The following SOX6 variants were observed in gnomAD, a reference collection of about 807,000 sequenced individuals.
The protein encoded by SOX6 is transcription factor SOX-6.
A neutral mutation model predicts 97.8 loss-of-function variants in SOX6; 11 were observed. The observed-to-expected ratio is 0.11, with a 90% CI of 0.07 to 0.19. The LOEUF (loss-of-function observed/expected upper bound fraction) is 0.19, where lower values mean the gene tolerates loss of function less well. SOX6 is among the 10% of genes least tolerant of loss of function. The probability of loss-of-function intolerance (pLI) is 1.00; values close to 1 mark genes in which losing one functional copy is unlikely to be tolerated. For missense variants in SOX6, 810 were observed against 1,039.5 expected, an observed-to-expected ratio of 0.78 and a Z score of 3.04; for synonymous variants, 360 against 371.4, an observed-to-expected ratio of 0.97 and a Z score of 0.35.
chr11:16,212,227 T>G (rs1009509019), intron 4 of SOX6, among the ~76,000 whole-genome samples: 2 of 152,276 alleles, frequency 1.3e-5, no homozygotes, highest in East Asian at 3.9e-4. Flanking sequence ...TACCAGAAGA[T>G]GATGACAAAT....
At chr11:16,063,588 T>C (rs1342016531) in intron 9 of SOX6, among the ~76,000 whole-genome samples, 1 of 129,024 alleles carries the variant, frequency 7.8e-6, no homozygotes, top group Non-Finnish European at 1.6e-5. Context: ...TTAGGATCTC[T>C]AATGGAGTGT....
chr11:16,154,562 T>C (rs1850547701), intron 6 of SOX6, among the ~76,000 whole-genome samples: 1 of 152,138 alleles, frequency 6.6e-6, no homozygotes, highest in Non-Finnish European at 1.5e-5. Context: ...CCAGATCTTT[T>C]CTAATCACCT....
intron 6 of SOX6, among the ~76,000 whole-genome samples, chr11:16,159,574 T>C (rs1564989953): frequency 2.6e-5 from 4 of 152,132 alleles, no homozygotes; most frequent in African/African-American, 7.2e-5. Context: ...TGCAGTATTC[T>C]GAGTAATATA....
intron 4 of SOX6, among the ~76,000 whole-genome samples, chr11:16,562,933 C>G (rs886769292): frequency 6.6e-6 from 1 of 152,128 alleles, no homozygotes; most frequent in Non-Finnish European, 1.5e-5. Flanking sequence ...AGCCTCCCTT[C>G]CCTTACTGAA....
At position 16,356,541 on chromosome 11, in the gene SOX6, A is replaced by G. The variant is rs956810282; in HGVS notation, c.-452T>C. Among the ~76,000 whole-genome samples the G allele has an allele frequency of 6.6e-6, 1 of 152,116 alleles. No individual in the cohort carries two copies. Among genetic ancestry groups the G allele is most frequent in the African/African-American group, 2.4e-5 (1 of 41,438 alleles). Reference sequence around the variant, plus strand: ...GTGGTTTGCCTCACAGTTGACAGTAAGTTATGAGCCCTTTGTGAGCACAGG... The same window carrying G: ...GTGGTTTGCCTCACAGTTGACAGTAGGTTATGAGCCCTTTGTGAGCACAGG... On this transcript the variant is annotated 5_prime_UTR_variant, in exon 1 of 16. Coordinates refer to ENST00000683767, the MANE Select transcript of SOX6 (RefSeq NM_001367873.1).
chr11:16,162,923 G>GA (rs556210735), intron 6 of SOX6, among the ~76,000 whole-genome samples: 7 of 151,616 alleles, frequency 4.6e-5, no homozygotes, highest in Admixed American at 6.6e-5. Flanking sequence ...AAAAGGGAAA[G>GA]AAAAAAGGAA....
At chr11:16,567,281 G>A (rs1385831177) in intron 4 of SOX6, 1 of 152,966 alleles carries the variant, frequency 6.5e-6, no homozygotes, top group Non-Finnish European at 1.5e-5. Context: ...AAAAACCATT[G>A]TTAACGAGGC....
chr11:16,435,584 C>G (rs1198052409), intron 1 of SOX6, among the ~76,000 whole-genome samples: 1 of 152,066 alleles, frequency 6.6e-6, no homozygotes, highest in Non-Finnish European at 1.5e-5. Context: ...TCAAAGGGAT[C>G]AAGGCCCTGC....
chr11:16,574,166 G>A (rs1457836257), intron 4 of SOX6, among the ~76,000 whole-genome samples: 1 of 152,064 alleles, frequency 6.6e-6, no homozygotes, highest in Non-Finnish European at 1.5e-5. Context: ...GAAATGCAAA[G>A]GGCCAAGAAG....
intron 10 of SOX6, among the ~76,000 whole-genome samples, chr11:16,052,461 A>G (rs922328309): frequency 1.3e-5 from 2 of 152,154 alleles, no homozygotes; most frequent in African/African-American, 4.8e-5. Flanking sequence ...CCAGCTTTAT[A>G]GGTGATTTTT....
At chr11:16,348,925 C>A (rs1856835392) in intron 1 of SOX6, among the ~76,000 whole-genome samples, 1 of 151,964 alleles carries the variant, frequency 6.6e-6, no homozygotes, top group Non-Finnish European at 1.5e-5. Context: ...AGAAAAATAA[C>A]CAAGCATAGG....
In SOX6 at chr11:16,406,546, C is replaced by T. The variant is rs143610594; in HGVS notation, c.-4-65294G>A. 6.3e-4 allele frequency among the ~76,000 whole-genome samples: 96 copies of T among 152,170 alleles called. No individual in the cohort carries two copies. In the East Asian group the frequency reaches 7.0e-3, roughly 11 times the overall value. On this transcript the variant is annotated intron_variant, in intron 1 of 15. Transcript: ENST00000396356. ...GTTCTTCTATAGTGACAGAAAACAG[C>T]AAGAGTGTGAACAGAAATGTACAAG...
At chr11:16,623,345 T>C (rs1848573436) in intron 3 of SOX6, among the ~76,000 whole-genome samples, 1 of 152,148 alleles carries the variant, frequency 6.6e-6, no homozygotes, top group Non-Finnish European at 1.5e-5. Flanking sequence ...AATATGTTTG[T>C]TGGCCATTTG....
In SOX6 at chr11:16,228,916, T is replaced by A. The variant is rs115324181; in HGVS notation, c.535+5666A>T. 6.1e-3 allele frequency among the ~76,000 whole-genome samples: 936 copies of A among 152,262 alleles called. 14 individuals carry two copies. Among genetic ancestry groups the A allele is most frequent in the African/African-American group, 0.021 (877 of 41,556 alleles). On this transcript the variant is annotated intron_variant, in intron 4 of 15. Transcript: ENST00000683767. ...TTTTAGAAACATTGCTTTACGTTAA[T>A]CAGATATAAAATTTTATGAGAAACC... is the stretch of plus-strand genomic sequence containing the variant.
At chr11:16,259,973 G>GTGTGTGTGTGTGTGTGTA (rs71044090) in intron 3 of SOX6, among the ~76,000 whole-genome samples, 34 of 145,270 alleles carry the variant, frequency 2.3e-4, no homozygotes, top group African/African-American at 7.9e-4. Context: ...GTGTGTGTGT[G>GTGTGTGTGTGTGTGTGTA]TATATATACA....
At chr11:16,562,338 G>A (rs538698214) in intron 4 of SOX6, among the ~76,000 whole-genome samples, 102 of 152,162 alleles carry the variant, frequency 6.7e-4, no homozygotes, top group African/African-American at 2.1e-3. Flanking sequence ...TTTTCTTTTC[G>A]CGTTGTGTAT....
At chr11:16,111,064 T>A (rs935619689) in intron 7 of SOX6, among the ~76,000 whole-genome samples, 5 of 152,236 alleles carry the variant, frequency 3.3e-5, no homozygotes, top group Non-Finnish European at 7.3e-5. Flanking sequence ...GACTTTTATT[T>A]ACTTGACTAT....
chr11:16,119,460 A>T (rs1369153153), intron 6 of SOX6, among the ~76,000 whole-genome samples: 1 of 152,206 alleles, frequency 6.6e-6, no homozygotes, highest in Non-Finnish European at 1.5e-5. Flanking sequence ...AGCCTTAAGT[A>T]CTCAAAGAAG....
At chr11:16,022,351 C>T (rs554002032) in intron 12 of SOX6, among the ~76,000 whole-genome samples, 3 of 145,958 alleles carry the variant, frequency 2.1e-5, no homozygotes, top group East Asian at 4.3e-4. Flanking sequence ...TCCTTCCTTC[C>T]TTCCTTCCTT....
Sources: gnomAD v4.1 joint callset for allele counts (sites outside exome capture counted in the v4.1 genomes callset) on GRCh38, gnomAD v4.1.1 for gene constraint, MANE v1.5 for transcripts, NCBI Gene and HGNC (gene_info 2026-07-23, HGNC 2026-07-21) for gene names.